Variants in VEGFC observed in about 807,000 individuals in gnomAD.
The protein encoded by VEGFC is FLT4 ligand DHM.
A neutral mutation model predicts 46.1 loss-of-function variants in VEGFC; 12 were observed. The observed-to-expected ratio is 0.26, with a 90% confidence interval of 0.17 to 0.42. The LOEUF is 0.42. Among genes scored for constraint, VEGFC ranks in the 10% least tolerant of loss-of-function variants. The pLI, the probability that VEGFC is intolerant of heterozygous loss-of-function variation, is 1.00. For synonymous variants in VEGFC, 232 were observed against 195.5 expected (o/e 1.19, Z -1.56); for missense variants, 488 against 529.4 (o/e 0.92, Z 0.77).
chr4:176,734,307 G>T (rs1246440939), intron 1 of VEGFC, among the ~76,000 whole-genome samples: 1 of 151,756 alleles, frequency 6.6e-6, no homozygotes, highest in African/African-American at 2.4e-5. Flanking sequence ...TAGTTTAGGT[G>T]AAATCCACAT....
chr4:176,700,643 A>T (rs10029166), intron 4 of VEGFC, among the ~76,000 whole-genome samples: 1 of 151,996 alleles, frequency 6.6e-6, no homozygotes, highest in African/African-American at 2.4e-5. Context: ...GGAAGCTTGT[A>T]ATTTTCTGCT....
intron 3 of VEGFC, 28 bp downstream of exon 3, chr4:176,727,750 G>A (rs1026140628): frequency 2.5e-5 from 39 of 1,580,286 alleles, no homozygotes; most frequent in African/African-American, 4.1e-5. Context: ...GGGGGCTCTC[G>A]CAGGTAGCAG....
intron 5 of VEGFC, 66 bp from the exon 6 acceptor site, chr4:176,687,586 G>T: frequency 1.4e-6 from 2 of 1,387,186 alleles, no homozygotes; most frequent in Non-Finnish European, 9.5e-7. Context: ...TGAAACAAAA[G>T]CTTTTAAAAG....
At chr4:176,690,694 A>C (rs1290318989) in intron 4 of VEGFC, among the ~76,000 whole-genome samples, 1 of 152,202 alleles carries the variant, frequency 6.6e-6, no homozygotes, top group African/African-American at 2.4e-5. Flanking sequence ...AACTTATATT[A>C]AGTTCTATAA....
At chr4:176,684,463 T>C (rs1232036431) in intron 6 of VEGFC, among the ~76,000 whole-genome samples, 3 of 152,208 alleles carry the variant, frequency 2.0e-5, no homozygotes, top group Non-Finnish European at 1.5e-5. Flanking sequence ...CCCAGCCATG[T>C]TGGCAGAACT....
chr4:176,750,719 C>T (rs919422342), intron 1 of VEGFC, among the ~76,000 whole-genome samples: 4 of 151,726 alleles, frequency 2.6e-5, no homozygotes. Flanking sequence ...TTCAGATACA[C>T]AAAAACTATT....
At chr4:176,711,914 G>C (rs943137519) in intron 3 of VEGFC, among the ~76,000 whole-genome samples, 3 of 151,966 alleles carry the variant, frequency 2.0e-5, no homozygotes, top group African/African-American at 7.3e-5. Context: ...CCAACTAATT[G>C]GTTATCCTAT....
At chr4:176,777,802 C>T (rs1021450202) in intron 1 of VEGFC, among the ~76,000 whole-genome samples, 1 of 151,304 alleles carries the variant, frequency 6.6e-6, no homozygotes, top group African/African-American at 2.4e-5. Flanking sequence ...ACCCGTAGTC[C>T]CTGCTACTCG....
intron 3 of VEGFC, among the ~76,000 whole-genome samples, chr4:176,723,851 T>C (rs908417728): frequency 1.3e-5 from 2 of 151,290 alleles, no homozygotes; most frequent in African/African-American, 2.4e-5. Flanking sequence ...TTATTTTAGG[T>C]TTGGGGGTCC....
intron 3 of VEGFC, among the ~76,000 whole-genome samples, chr4:176,714,611 A>G (rs900075547): frequency 6.6e-6 from 1 of 152,184 alleles, no homozygotes; most frequent in African/African-American, 2.4e-5. Context: ...ACTAACAGCT[A>G]TTGTAGAAGA....
intron 4 of VEGFC, among the ~76,000 whole-genome samples, chr4:176,691,097 G>A (rs1390925051): frequency 1.3e-5 from 2 of 152,114 alleles, no homozygotes; most frequent in Non-Finnish European, 2.9e-5. Flanking sequence ...CAAGTTCTTC[G>A]CATTTAAAAC....
At chr4:176,712,712 T>C (rs1734639304) in intron 3 of VEGFC, among the ~76,000 whole-genome samples, 1 of 152,168 alleles carries the variant, frequency 6.6e-6, no homozygotes, top group African/African-American at 2.4e-5. Flanking sequence ...TGAAGACCAT[T>C]GAAAATATTT....
intron 3 of VEGFC, among the ~76,000 whole-genome samples, chr4:176,719,890 A>C (rs1361398833): frequency 6.6e-6 from 1 of 151,960 alleles, no homozygotes; most frequent in Non-Finnish European, 1.5e-5. Flanking sequence ...GTGAAAACCT[A>C]TCTCTATTAA....
chr4:176,735,140 T>G (rs894775689), intron 1 of VEGFC, among the ~76,000 whole-genome samples: 1 of 151,862 alleles, frequency 6.6e-6, no homozygotes, highest in East Asian at 1.9e-4. Flanking sequence ...CATCACTTTC[T>G]AACTGTAAAA....
At chr4:176,761,658 T>C (rs1427739465) in intron 1 of VEGFC, among the ~76,000 whole-genome samples, 2 of 152,238 alleles carry the variant, frequency 1.3e-5, no homozygotes, top group Non-Finnish European at 2.9e-5. Context: ...CCCACGTGTA[T>C]GTGTCTTCTG....
chr4:176,699,091 TC>T (rs1334269603), intron 4 of VEGFC, among the ~76,000 whole-genome samples: 5 of 152,158 alleles, frequency 3.3e-5, no homozygotes, highest in African/African-American at 1.2e-4. Flanking sequence ...GTGTTATTAA[TC>T]AAGTACTCTC....
At chr4:176,712,721 T>A (rs1734639375) in intron 3 of VEGFC, among the ~76,000 whole-genome samples, 1 of 152,178 alleles carries the variant, frequency 6.6e-6, no homozygotes, top group Non-Finnish European at 1.5e-5. Flanking sequence ...TTGAAAATAT[T>A]TATGGGATAG....
chr4:176,703,984 CCA>C (rs1734479703), intron 4 of VEGFC, among the ~76,000 whole-genome samples: 1 of 152,058 alleles, frequency 6.6e-6, no homozygotes, highest in East Asian at 1.9e-4. Context: ...CTCTCTGTGC[CCA>C]GAGTATGGTA....
chr4:176,720,172 T>C (rs1034650891), intron 3 of VEGFC, among the ~76,000 whole-genome samples: 10 of 152,164 alleles, frequency 6.6e-5, no homozygotes, highest in Non-Finnish European at 1.3e-4. Context: ...CAGCTAATGA[T>C]GAATGTTGGC....
Sources: allele counts gnomAD v4.1 joint callset (sites outside exome capture counted in the v4.1 genomes callset), GRCh38; gene constraint gnomAD v4.1.1; transcripts MANE v1.5; gene names NCBI Gene and HGNC (gene_info 2026-07-23, HGNC 2026-07-21).